The following AUTS2 variants were observed in gnomAD, a reference collection of about 807,000 sequenced individuals.
AUTS2 encodes activator of transcription and developmental regulator AUTS2.
A neutral mutation model predicts 112.4 loss-of-function variants in AUTS2; 17 were observed. The ratio of observed to expected loss-of-function variants is 0.15; its 90% CI spans 0.10 to 0.23. The LOEUF (loss-of-function observed/expected upper bound fraction) is 0.23. Among genes scored for constraint, AUTS2 ranks in the 10% least tolerant of loss-of-function variants. The probability of loss-of-function intolerance (pLI) is 1.00; values close to 1 mark genes in which losing one functional copy is unlikely to be tolerated. For synonymous variants in AUTS2, 751 were observed against 702.7 expected (o/e 1.07, Z -1.09); for missense variants, 1,510 against 1,701.6 (o/e 0.89, Z 1.98).
chr7:70,761,107 G>C (rs1789539256), intron 6 of AUTS2, among the ~76,000 whole-genome samples: 1 of 152,190 alleles, frequency 6.6e-6, no homozygotes, highest in South Asian at 2.1e-4. Context: ...AGAATTCCAA[G>C]GAATAATGGC....
intron 1 of AUTS2, among the ~76,000 whole-genome samples, chr7:69,710,084 C>A (rs1183793501): frequency 6.6e-6 from 1 of 152,118 alleles, no homozygotes; most frequent in African/African-American, 2.4e-5. Flanking sequence ...GTAGGAAGAT[C>A]ATTTTCTAGC....
At chr7:70,356,582 G>A (rs1562904545) in intron 4 of AUTS2, among the ~76,000 whole-genome samples, 1 of 152,144 alleles carries the variant, frequency 6.6e-6, no homozygotes, top group Non-Finnish European at 1.5e-5. Context: ...AGTGTTGTGA[G>A]GGGGTTACTT....
At chr7:70,152,974 C>CT (rs1260906602) in intron 4 of AUTS2, among the ~76,000 whole-genome samples, 1 of 152,040 alleles carries the variant, frequency 6.6e-6, no homozygotes, top group African/African-American at 2.4e-5. Flanking sequence ...AATCTTTCCC[C>CT]TTTTTAAAGA....
chr7:70,187,338 A>G (rs528405730), intron 4 of AUTS2, among the ~76,000 whole-genome samples: 8 of 152,350 alleles, frequency 5.3e-5, no homozygotes, highest in South Asian at 4.1e-4. Flanking sequence ...AGATATTTAT[A>G]TACTTTATAA....
intron 4 of AUTS2, among the ~76,000 whole-genome samples, chr7:70,399,050 G>A (rs979824490): frequency 3.3e-5 from 5 of 149,716 alleles, no homozygotes; most frequent in Non-Finnish European, 7.4e-5. Flanking sequence ...GCAGTGGTGC[G>A]ATCATAGCTC....
At chr7:70,231,040 G>A (rs1025383885) in intron 4 of AUTS2, among the ~76,000 whole-genome samples, 7 of 152,160 alleles carry the variant, frequency 4.6e-5, no homozygotes, top group African/African-American at 1.7e-4. Flanking sequence ...AATGAGGTTC[G>A]GTGAGTTTTC....
chr7:69,658,483 A>G (rs1196446408), intron 1 of AUTS2, among the ~76,000 whole-genome samples: 2 of 152,224 alleles, frequency 1.3e-5, no homozygotes, highest in South Asian at 2.1e-4. Flanking sequence ...AGACAATTAT[A>G]TACTATTTCT....
intron 4 of AUTS2, among the ~76,000 whole-genome samples, chr7:70,387,190 G>A (rs1793651761): frequency 6.6e-6 from 1 of 152,052 alleles, no homozygotes; most frequent in Non-Finnish European, 1.5e-5. Context: ...CTCTCTGTTG[G>A]TGCTTCTTTT....
At chr7:70,458,350 C>T (rs537185045) in intron 5 of AUTS2, among the ~76,000 whole-genome samples, 24 of 152,296 alleles carry the variant, frequency 1.6e-4, no homozygotes, top group East Asian at 3.9e-4. Flanking sequence ...AAGAGCATTG[C>T]GCCTGGCTCC....
chr7:70,745,126 C>G (rs1332607294), intron 6 of AUTS2, among the ~76,000 whole-genome samples: 1 of 152,102 alleles, frequency 6.6e-6, no homozygotes, highest in Non-Finnish European at 1.5e-5. Context: ...TATCATCTCC[C>G]AGTTTGATGT....
chr7:69,697,216 T>A (rs1304853843), intron 1 of AUTS2, among the ~76,000 whole-genome samples: 1 of 152,236 alleles, frequency 6.6e-6, no homozygotes, highest in African/African-American at 2.4e-5. Flanking sequence ...AGGACCTTAC[T>A]CTGAGAATCA....
chr7:70,410,401 T>TATTC (rs1454826986), intron 4 of AUTS2, among the ~76,000 whole-genome samples: 7 of 97,744 alleles, frequency 7.2e-5, no homozygotes, highest in African/African-American at 3.4e-4. Flanking sequence ...GTTTGTCTTT[T>TATTC]ATTTATTTAT....
chr7:70,219,374 GC>G (rs1811349790), intron 4 of AUTS2, among the ~76,000 whole-genome samples: 1 of 152,098 alleles, frequency 6.6e-6, no homozygotes, highest in Non-Finnish European at 1.5e-5. Flanking sequence ...TGTCGCTCAT[GC>G]GTTCTCCAAT....
intron 5 of AUTS2, among the ~76,000 whole-genome samples, chr7:70,443,333 C>T (rs1340768653): frequency 6.6e-6 from 1 of 152,172 alleles, no homozygotes; most frequent in Non-Finnish European, 1.5e-5. Context: ...TTCTCACTCA[C>T]CAGCTGTATG....
At position 70,774,107 on chromosome 7, in the gene AUTS2, C is replaced by G; in HGVS notation, c.1902+8C>G. 6.2e-7 allele frequency: 1 copy of G among 1,614,036 alleles called. No individual in the cohort carries two copies. The highest frequency in any genetic ancestry group is 8.5e-7 in the Non-Finnish European group (1 of 1,179,878). Reference sequence around the variant, plus strand: ...CTCCAAAAGGACCCGAGGGTACGTGCAAAGTCAGGCTTGGTCTCAGGTAAC... The same window carrying G: ...CTCCAAAAGGACCCGAGGGTACGTGGAAAGTCAGGCTTGGTCTCAGGTAAC... On this transcript the variant is annotated splice_region_variant and intron_variant, in intron 12 of 18. Coordinates refer to ENST00000342771, the MANE Select transcript of AUTS2 (RefSeq NM_015570.4).
chr7:69,675,656 G>A lies in AUTS2; in HGVS notation c.309+75694G>A, dbSNP rs530377261. Among the ~76,000 whole-genome samples the A allele has an allele frequency of 1.2e-4, 18 of 151,932 alleles. No individual in the cohort carries two copies. The East Asian group carries it at 2.5e-3, about 21-fold the overall frequency. On this transcript the variant is annotated intron_variant, in intron 1 of 18. Coordinates refer to ENST00000342771, the MANE Select transcript of AUTS2 (RefSeq NM_015570.4). ...CAAGAAACTGGGATTACAGGTGTGC[G>A]CCACCACACCTGGCTAATTTTTGTA...
chr7:69,615,293 G>A (rs938458620), intron 1 of AUTS2, among the ~76,000 whole-genome samples: 3 of 152,094 alleles, frequency 2.0e-5, no homozygotes, highest in African/African-American at 7.2e-5. Context: ...GATTACAGGT[G>A]AACATTACTT....
At chr7:70,213,510 G>A (rs1241397619) in intron 4 of AUTS2, among the ~76,000 whole-genome samples, 7 of 149,306 alleles carry the variant, frequency 4.7e-5, no homozygotes, top group South Asian at 2.1e-4. Context: ...CACTCCAGCC[G>A]AGGTGACAGA....
intron 2 of AUTS2, among the ~76,000 whole-genome samples, chr7:69,928,689 C>G (rs1796119343): frequency 6.6e-6 from 1 of 152,116 alleles, no homozygotes; most frequent in African/African-American, 2.4e-5. Context: ...GAAGCAGGAG[C>G]AGGCACTTCT....
Sources: gnomAD v4.1 joint callset for allele counts (sites outside exome capture counted in the v4.1 genomes callset) on GRCh38, gnomAD v4.1.1 for gene constraint, MANE v1.5 for transcripts, NCBI Gene and HGNC (gene_info 2026-07-23, HGNC 2026-07-21) for gene names.